ANGPT2: variants seen among roughly 807,000 people sequenced by gnomAD.
ANGPT2 encodes angiopoietin 2.
A neutral mutation model predicts 62.9 loss-of-function variants in ANGPT2; 28 were observed. That is an observed-to-expected ratio of 0.44 (90% CI 0.33 to 0.61). The LOEUF (loss-of-function observed/expected upper bound fraction) is 0.61. Ranked by LOEUF, ANGPT2 falls within the 20% of genes least tolerant of loss-of-function variation. The probability of loss-of-function intolerance (pLI) is 0.03; values close to 1 mark genes in which losing one functional copy is unlikely to be tolerated. For synonymous variants in ANGPT2, 284 were observed against 207.8 expected (o/e 1.37, Z -3.15); for missense variants, 727 against 594.9 (o/e 1.22, Z -2.31).
At chr8:6,505,847 T>C (rs1379247861) in intron 8 of ANGPT2, among the ~76,000 whole-genome samples, 1 of 138,968 alleles carries the variant, frequency 7.2e-6, no homozygotes, top group Non-Finnish European at 1.5e-5. Context: ...ATATTCTTTA[T>C]ATATGTATAT....
chr8:6,545,954 G>C (rs1178791002), intron 1 of ANGPT2, among the ~76,000 whole-genome samples: 1 of 152,192 alleles, frequency 6.6e-6, no homozygotes, highest in African/African-American at 2.4e-5. Flanking sequence ...ATTGAATTGA[G>C]TTGGGGAAGT....
At chr8:6,508,880 T>G (rs774458437) in intron 8 of ANGPT2, 52 bp downstream of exon 8, 27 of 1,612,890 alleles carry the variant, frequency 1.7e-5, no homozygotes, top group South Asian at 1.4e-4. Flanking sequence ...CCTTTCCCTC[T>G]ATGAAATCAT....
chr8:6,511,238 G>T (rs1049737834), intron 7 of ANGPT2, among the ~76,000 whole-genome samples: 1 of 151,758 alleles, frequency 6.6e-6, no homozygotes. Flanking sequence ...TTAAAATTTG[G>T]TTATTAAGAA....
chr8:6,556,962 C>A (rs539445166), intron 1 of ANGPT2, among the ~76,000 whole-genome samples: 1 of 152,166 alleles, frequency 6.6e-6, no homozygotes, highest in South Asian at 2.1e-4. Flanking sequence ...TGAAGGCACT[C>A]GATAAATATT....
rs146206268 is a variant in ANGPT2, at chr8:6,509,583, A to ATAGT, written c.1197-525_1197-522dup. Among the ~76,000 whole-genome samples the ATAGT allele has an allele frequency of 7.2e-3, 1,100 of 152,342 alleles. 52 individuals are homozygous for ATAGT. The East Asian group carries it at 0.13, about 18-fold the overall frequency. Reference sequence around the variant, plus strand: ...TGTGGCTACATTTCCTCATGTCTGTATAGTAGGGTAATGTAATTAAACTTT... The same window carrying ATAGT: ...TGTGGCTACATTTCCTCATGTCTGTATAGTTAGTAGGGTAATGTAATTAAACTTT... On this transcript the variant is annotated intron_variant, in intron 7 of 8. Transcript: ENST00000629816.
At chr8:6,540,881 G>T (rs889718274) in intron 1 of ANGPT2, among the ~76,000 whole-genome samples, 1 of 152,250 alleles carries the variant, frequency 6.6e-6, no homozygotes, top group African/African-American at 2.4e-5. Context: ...GCGCTGGCTG[G>T]TAAGAAGCCC....
rs145603745 is a variant in ANGPT2, at chr8:6,528,611, T to A, written c.445-935A>T. 1.6e-3 allele frequency among the ~76,000 whole-genome samples: 237 copies of A among 152,376 alleles called. 1 individual carries two copies. Among genetic ancestry groups the A allele is most frequent in the African/African-American group, 5.5e-3 (227 of 41,588 alleles). ...TGCCGTGCGGGCCTTTGTGAGCTAC[T>A]GCGTGGCATGAGCAGTGCGGCTCTC... On this transcript the variant is annotated intron_variant, in intron 2 of 8. Coordinates refer to ENST00000629816, the MANE Select transcript of ANGPT2 (RefSeq NM_001118887.2).
intron 3 of ANGPT2, among the ~76,000 whole-genome samples, chr8:6,527,002 A>C (rs1818460844): frequency 6.6e-6 from 1 of 152,224 alleles, no homozygotes; most frequent in African/African-American, 2.4e-5. Context: ...TGGATCATAA[A>C]ATGTGCATTG....
chr8:6,513,825 C>G lies in ANGPT2; in HGVS notation c.1049G>C (p.Gly350Ala). 6.2e-7 allele frequency: 1 copy of G among 1,607,338 alleles called. No individual in the cohort carries two copies. The highest frequency in any genetic ancestry group is 8.5e-7 in the Non-Finnish European group (1 of 1,178,306). The change falls in exon 7 of 9, where the codon GGA (glycine) becomes GCA (alanine). Residue 350 changes from glycine to alanine, a missense_variant. Gly to Ala is a moderately conservative substitution (Grantham distance 60, BLOSUM62 0). Coordinates refer to ENST00000629816, the MANE Select transcript of ANGPT2 (RefSeq NM_001118887.2). ...EYKVGFGNPS[G>A]EYWLGNEFVS... ...AAACTCATTTCCCAGCCAATATTCT[C>G]CTGAAGGGTTACCAAATCCCTGTAA... is the stretch of plus-strand genomic sequence containing the variant.
chr8:6,561,881 A>G (rs970727496), intron 1 of ANGPT2, among the ~76,000 whole-genome samples: 5 of 152,202 alleles, frequency 3.3e-5, no homozygotes, highest in Non-Finnish European at 7.3e-5. Context: ...TCTGTGAAAC[A>G]GTGGAATCAC....
At chr8:6,514,866 G>A (rs1008353846) in intron 5 of ANGPT2, 88 bp from the exon 6 acceptor site, 18 of 1,109,758 alleles carry the variant, frequency 1.6e-5, no homozygotes, top group East Asian at 9.5e-5. Context: ...GACCCTGAGT[G>A]CAGGACTCAG....
rs1818623700 is a variant in ANGPT2, at chr8:6,527,787, T to C, written c.445-111A>G. The C allele has an allele frequency of 4.9e-6, 5 of 1,019,534 alleles. No homozygotes were observed. In the South Asian group the frequency reaches 8.9e-5, roughly 18 times the overall value. The allele number at this position is 1,019,534 out of a possible 1,614,324, so 63.2% of individuals were successfully genotyped here. A position where few individuals can be genotyped will look rare whatever the true frequency, so the allele number is the denominator to read the frequency against. ...ACAGGAAAACATAACAAAAACATTA[T>C]TTATTAACCCAAGTATCTTATTTTG... is the stretch of plus-strand genomic sequence containing the variant. On this transcript the variant is annotated intron_variant, in intron 2 of 8. Coordinates refer to ENST00000629816, the MANE Select transcript of ANGPT2 (RefSeq NM_001118887.2).
At chr8:6,508,376 A>T (rs1017979223) in intron 8 of ANGPT2, 2 of 154,068 alleles carry the variant, frequency 1.3e-5, no homozygotes, top group African/African-American at 4.8e-5. Flanking sequence ...TGAGCCTGGG[A>T]GGCAGGGGTT....
At chr8:6,523,669 A>G (rs952573920) in intron 3 of ANGPT2, among the ~76,000 whole-genome samples, 13 of 152,240 alleles carry the variant, frequency 8.5e-5, no homozygotes, top group Admixed American at 5.9e-4. Flanking sequence ...AGCTCGCTGC[A>G]ACCTCCGCCT....
chr8:6,538,835 C>G (rs1820981343), intron 1 of ANGPT2, among the ~76,000 whole-genome samples: 1 of 152,174 alleles, frequency 6.6e-6, no homozygotes, highest in African/African-American at 2.4e-5. Flanking sequence ...TAACAACAAG[C>G]AAAACATCCA....
At chr8:6,562,494 C>G (rs1373705390) in intron 1 of ANGPT2, among the ~76,000 whole-genome samples, 153 bp downstream of exon 1, 3 of 143,444 alleles carry the variant, frequency 2.1e-5, no homozygotes, top group Non-Finnish European at 4.6e-5. Flanking sequence ...AAGAAATTAT[C>G]TTTCATTTGA....
intron 1 of ANGPT2, among the ~76,000 whole-genome samples, chr8:6,557,819 C>T (rs1477705776): frequency 3.3e-5 from 5 of 152,022 alleles, no homozygotes; most frequent in Admixed American, 2.0e-4. Context: ...ACAGTCTGTC[C>T]GTGTTCATGA....
chr8:6,513,973 T>G, intron 6 of ANGPT2, 129 bp from the exon 7 acceptor site: 1 of 870,042 alleles, frequency 1.1e-6, no homozygotes, highest in Admixed American at 2.9e-5. Flanking sequence ...GCTGTGACAA[T>G]TTAGGGTCCT....
intron 3 of ANGPT2, among the ~76,000 whole-genome samples, chr8:6,527,124 G>A (rs935573651): frequency 2.0e-5 from 3 of 152,138 alleles, no homozygotes; most frequent in Non-Finnish European, 4.4e-5. Flanking sequence ...AAATGCCTGG[G>A]CCAGTGGTTC....
Sources: allele counts gnomAD v4.1 joint callset (sites outside exome capture counted in the v4.1 genomes callset), GRCh38; gene constraint gnomAD v4.1.1; transcripts MANE v1.5; gene names NCBI Gene and HGNC (gene_info 2026-07-23, HGNC 2026-07-21).